The following LIMA1 variants were observed in gnomAD, a reference collection of about 807,000 sequenced individuals.
LIMA1 encodes LIM domain and actin binding 1.
In LIMA1, 52 loss-of-function variants were observed where a neutral mutation model predicts 62.6. That is an observed-to-expected ratio of 0.83 (90% CI 0.67 to 1.05). LIMA1 has a LOEUF of 1.05. Among genes scored for constraint, LIMA1 ranks in the 50% least tolerant of loss-of-function variants. LIMA1 has a pLI of 0.00. For missense variants in LIMA1, 780 were observed against 902.2 expected, an observed-to-expected ratio of 0.86 and a Z score of 1.74; for synonymous variants, 302 against 317.8, an observed-to-expected ratio of 0.95 and a Z score of 0.53.
At chr12:50,206,894 A>T (rs975002977) in intron 4 of LIMA1, among the ~76,000 whole-genome samples, 1 of 152,040 alleles carries the variant, frequency 6.6e-6, no homozygotes, top group African/African-American at 2.4e-5. Flanking sequence ...TTTTGTCCAT[A>T]TATTTCCAGG....
intron 3 of LIMA1, among the ~76,000 whole-genome samples, chr12:50,227,914 C>T (rs1317728220): frequency 1.3e-5 from 2 of 149,290 alleles, no homozygotes; most frequent in Non-Finnish European, 1.5e-5. Flanking sequence ...GTGTGGAGTG[C>T]AGTGGCGCGG....
intron 2 of LIMA1, among the ~76,000 whole-genome samples, chr12:50,234,789 G>T (rs575681044): frequency 2.4e-4 from 36 of 152,058 alleles, no homozygotes; most frequent in African/African-American, 8.5e-4. Flanking sequence ...CGAGCTGGGC[G>T]GATCGCTTGA....
chr12:50,181,656 A>AC (rs1940504558), intron 10 of LIMA1, among the ~76,000 whole-genome samples: 1 of 152,228 alleles, frequency 6.6e-6, no homozygotes, highest in Non-Finnish European at 1.5e-5. Context: ...AGGGGGGTTT[A>AC]CCTGCAACTC....
chr12:50,245,429 G>A (rs1481859449), intron 2 of LIMA1, among the ~76,000 whole-genome samples: 1 of 141,506 alleles, frequency 7.1e-6, no homozygotes, highest in East Asian at 2.0e-4. Context: ...AAAAAAAAAA[G>A]AGAGAGAGAG....
chr12:50,254,958 G>A (rs1050368646), intron 1 of LIMA1, among the ~76,000 whole-genome samples: 3 of 151,798 alleles, frequency 2.0e-5, no homozygotes, highest in Non-Finnish European at 2.9e-5. Context: ...TACTCGGGAG[G>A]GTGAGGCAGA....
At chr12:50,217,637 T>A in intron 4 of LIMA1, 1 of 194,304 alleles carries the variant, frequency 5.1e-6, no homozygotes, top group Non-Finnish European at 1.1e-5. Flanking sequence ...GGGGTGGAGG[T>A]GTTCGGTCCT....
chr12:50,231,844 T>C (rs1225841796), intron 2 of LIMA1, 134 bp from the exon 3 acceptor site: 6 of 761,354 alleles, frequency 7.9e-6, no homozygotes, highest in Non-Finnish European at 1.3e-5. Flanking sequence ...CTCGGCTCAC[T>C]GCAACTTCTA....
At position 50,222,032 on chromosome 12, in the gene LIMA1, T is replaced by C. The variant is rs763743982; in HGVS notation, c.619A>G (p.Thr207Ala). 1.9e-6 allele frequency: 3 copies of C among 1,608,402 alleles called. No individual in the cohort carries two copies. Among genetic ancestry groups the C allele is most frequent in the Admixed American group, 1.7e-5 (1 of 59,176 alleles). Residue 207 changes from threonine to alanine, a missense_variant, in exon 4 of 11, where the codon ACT becomes GCT. Transcript: ENST00000341247. ...LKMMFEKGEPTQTKILRAQSR... is the reference protein window; with the variant it reads ...LKMMFEKGEPAQTKILRAQSR... Reference sequence around the variant, plus strand: ...CGCCCAATTCTTACCTTAGTTTGAGTTGGTTCACCTTTCTCAAACATCATC... The same window carrying C: ...CGCCCAATTCTTACCTTAGTTTGAGCTGGTTCACCTTTCTCAAACATCATC...
At chr12:50,257,588 C>T (rs561558530) in intron 1 of LIMA1, among the ~76,000 whole-genome samples, 7 of 152,326 alleles carry the variant, frequency 4.6e-5, no homozygotes, top group African/African-American at 1.7e-4. Flanking sequence ...CCTCCTCCTC[C>T]CTGCTCTTTC....
intron 9 of LIMA1, among the ~76,000 whole-genome samples, chr12:50,184,433 G>A (rs773860402): frequency 2.0e-5 from 3 of 152,156 alleles, no homozygotes; most frequent in African/African-American, 7.2e-5. Context: ...ACTTGAGGTC[G>A]AAGTTCCAGA....
intron 4 of LIMA1, among the ~76,000 whole-genome samples, chr12:50,213,269 A>G (rs890316110): frequency 3.3e-5 from 5 of 152,248 alleles, no homozygotes; most frequent in African/African-American, 1.2e-4. Context: ...CTTTGAGAAC[A>G]TAGCTGTTTT....
chr12:50,238,770 A>C (rs1376619192), intron 2 of LIMA1, among the ~76,000 whole-genome samples: 1 of 151,652 alleles, frequency 6.6e-6, no homozygotes, highest in Non-Finnish European at 1.5e-5. Flanking sequence ...GAATCGCTTG[A>C]ACCTGGTAGG....
At chr12:50,218,955 T>C (rs146330216) in intron 4 of LIMA1, among the ~76,000 whole-genome samples, 1 of 151,740 alleles carries the variant, frequency 6.6e-6, no homozygotes, top group Non-Finnish European at 1.5e-5. Flanking sequence ...AGCAGTTTAA[T>C]TCTTCCTTTG....
intron 3 of LIMA1, chr12:50,224,421 G>A (rs983691553): frequency 9.2e-5 from 14 of 152,176 alleles, no homozygotes; most frequent in Non-Finnish European, 4.4e-5. Context: ...AGCTTAAAAA[G>A]TTTTCTTGCT....
At chr12:50,210,140 G>T (rs763945974) in intron 4 of LIMA1, among the ~76,000 whole-genome samples, 1 of 151,986 alleles carries the variant, frequency 6.6e-6, no homozygotes, top group African/African-American at 2.4e-5. Flanking sequence ...AAACCAAAAG[G>T]GGCCGGGTGC....
At chr12:50,239,554 C>T (rs1278921946) in intron 2 of LIMA1, among the ~76,000 whole-genome samples, 1 of 152,248 alleles carries the variant, frequency 6.6e-6, no homozygotes, top group East Asian at 1.9e-4. Flanking sequence ...GTGGGAGGAT[C>T]GCTTGAACCT....
chr12:50,247,866 T>C (rs575364405), intron 2 of LIMA1, among the ~76,000 whole-genome samples: 1 of 152,142 alleles, frequency 6.6e-6, no homozygotes, highest in East Asian at 1.9e-4. Flanking sequence ...TGACCTCAAG[T>C]GATCCACCCA....
chr12:50,202,152 A>G (rs1941064077), intron 6 of LIMA1: 1 of 152,276 alleles, frequency 6.6e-6, no homozygotes, highest in Admixed American at 6.5e-5. Flanking sequence ...GCTGGCAGCT[A>G]GCACTGCAGA....
intron 1 of LIMA1, among the ~76,000 whole-genome samples, chr12:50,275,377 A>T (rs972099513): frequency 6.6e-6 from 1 of 152,140 alleles, no homozygotes; most frequent in African/African-American, 2.4e-5. Flanking sequence ...AAATAATAAA[A>T]TAAAATGAGT....
Sources: allele counts gnomAD v4.1 joint callset (sites outside exome capture counted in the v4.1 genomes callset), GRCh38; gene constraint gnomAD v4.1.1; transcripts MANE v1.5; gene names NCBI Gene and HGNC (gene_info 2026-07-23, HGNC 2026-07-21).